Variants in ARHGAP24 observed in about 807,000 individuals in gnomAD.
The protein encoded by ARHGAP24 is Rho GTPase activating protein 24, also known as rho GTPase-activating protein 24.
Under a neutral mutation model 76.4 loss-of-function variants are expected in ARHGAP24, and 50 were observed. That is an observed-to-expected ratio of 0.65 (90% CI 0.52 to 0.83). The LOEUF (loss-of-function observed/expected upper bound fraction) is 0.83, where lower values mean the gene tolerates loss of function less well. ARHGAP24 is among the 40% of genes least tolerant of loss of function. The pLI is 0.00. For synonymous variants in ARHGAP24, 345 were observed against 323.3 expected, an observed-to-expected ratio of 1.07 and a Z score of -0.72; for missense variants, 930 against 914.2, an observed-to-expected ratio of 1.02 and a Z score of -0.22.
rs774915015 is a variant in ARHGAP24 at position 85,903,758 on chromosome 4, T to A, written c.269-19890T>A. The stretch of plus-strand genomic sequence containing the variant: ...CAATTGTTTAAAATCTTCCCTCAGA[T>A]AATTTTTATGTGCACTGCAGACATT... On this transcript the variant is annotated intron_variant, in intron 3 of 9. Coordinates refer to ENST00000395184, the MANE Select transcript of ARHGAP24 (RefSeq NM_001025616.3). Among the ~76,000 whole-genome samples the A allele has an allele frequency of 4.6e-5, 7 of 152,274 alleles. No homozygotes were observed. The East Asian group carries it at 1.3e-3, about 29-fold the overall frequency.
rs1209468670 is a variant in ARHGAP24 at position 85,874,892 on chromosome 4, A to AT, written c.269-48752dup. ...TTTTATATAATTTATATATAAATAT[A>AT]TTTTATATAATTTATATATAAATAT... On this transcript the variant is annotated intron_variant, in intron 3 of 9. Coordinates refer to ENST00000395184, the MANE Select transcript of ARHGAP24 (RefSeq NM_001025616.3). Among the ~76,000 whole-genome samples, 79 of 47,668 alleles carry AT rather than the reference A, an allele frequency of 1.7e-3. 3 individuals carry two copies. Among genetic ancestry groups the AT allele is most frequent in the African/African-American group, 2.9e-3 (44 of 15,364 alleles). The allele number at this position is 47,668 out of a possible 152,430, so 31.3% of individuals were successfully genotyped here. A position where few individuals can be genotyped will look rare whatever the true frequency, so the allele number is the denominator to read the frequency against.
chr4:85,639,662 A>T (rs1175044714), intron 2 of ARHGAP24, among the ~76,000 whole-genome samples: 1 of 151,624 alleles, frequency 6.6e-6, no homozygotes, highest in African/African-American at 2.4e-5. Context: ...AAAACAAGTC[A>T]TATTAAATAT....
chr4:85,826,027 G>A (rs754338069), intron 3 of ARHGAP24, among the ~76,000 whole-genome samples: 2 of 152,128 alleles, frequency 1.3e-5, no homozygotes, highest in Non-Finnish European at 2.9e-5. Flanking sequence ...GGATTATTAT[G>A]AGAGCTAACT....
At chr4:85,812,455 A>G (rs751288544) in intron 3 of ARHGAP24, among the ~76,000 whole-genome samples, 7 of 152,146 alleles carry the variant, frequency 4.6e-5, no homozygotes, top group Non-Finnish European at 8.8e-5. Flanking sequence ...AAACTAATTC[A>G]CACTACATTC....
At chr4:85,838,090 G>C (rs1277564816) in intron 3 of ARHGAP24, among the ~76,000 whole-genome samples, 3 of 152,240 alleles carry the variant, frequency 2.0e-5, no homozygotes, top group Non-Finnish European at 2.9e-5. Flanking sequence ...ACTCTCCTAA[G>C]CATCTACATT....
At chr4:85,953,203 T>C (rs1243903449) in intron 5 of ARHGAP24, among the ~76,000 whole-genome samples, 3 of 152,172 alleles carry the variant, frequency 2.0e-5, no homozygotes, top group Admixed American at 6.5e-5. Flanking sequence ...CCAAGAATCC[T>C]GTAAAACAAC....
At chr4:85,643,613 C>T (rs1441679980) in intron 2 of ARHGAP24, among the ~76,000 whole-genome samples, 1 of 152,030 alleles carries the variant, frequency 6.6e-6, no homozygotes, top group Non-Finnish European at 1.5e-5. Flanking sequence ...ATAAAATTCA[C>T]TTTTATTATG....
intron 2 of ARHGAP24, among the ~76,000 whole-genome samples, chr4:85,584,211 G>T (rs1395592190): frequency 1.3e-5 from 2 of 152,114 alleles, no homozygotes; most frequent in African/African-American, 4.8e-5. Context: ...AACAATGATA[G>T]ACTGGATTAA....
chr4:85,480,758 C>T (rs975230845), intron 1 of ARHGAP24, among the ~76,000 whole-genome samples: 1 of 152,052 alleles, frequency 6.6e-6, no homozygotes, highest in Non-Finnish European at 1.5e-5. Flanking sequence ...AAAAAAATCA[C>T]ATTTTAGTAA....
intron 1 of ARHGAP24, among the ~76,000 whole-genome samples, chr4:85,504,425 T>C (rs1453186693): frequency 6.6e-6 from 1 of 152,234 alleles, no homozygotes; most frequent in Non-Finnish European, 1.5e-5. Context: ...CATATATATT[T>C]AGGATAGTTA....
At chr4:85,478,695 A>G (rs1201863972) in intron 1 of ARHGAP24, among the ~76,000 whole-genome samples, 1 of 152,050 alleles carries the variant, frequency 6.6e-6, no homozygotes, top group African/African-American at 2.4e-5. Flanking sequence ...TTTGTGTACA[A>G]GGTCTCCTCA....
chr4:85,646,331 G>T (rs982333238), intron 2 of ARHGAP24, among the ~76,000 whole-genome samples: 1 of 151,752 alleles, frequency 6.6e-6, no homozygotes, highest in Non-Finnish European at 1.5e-5. Context: ...TCATTATAAA[G>T]GAATTACAGG....
chr4:85,877,405 G>C (rs1043219847), intron 3 of ARHGAP24, among the ~76,000 whole-genome samples: 1 of 152,156 alleles, frequency 6.6e-6, no homozygotes, highest in Non-Finnish European at 1.5e-5. Flanking sequence ...CAAGTGGATT[G>C]CTTGGGCCCA....
At chr4:85,994,337 G>T (rs574852191) in intron 8 of ARHGAP24, among the ~76,000 whole-genome samples, 1 of 152,232 alleles carries the variant, frequency 6.6e-6, no homozygotes, top group South Asian at 2.1e-4. Context: ...ATAACAGTAT[G>T]TATGTATAGA....
intron 2 of ARHGAP24, among the ~76,000 whole-genome samples, chr4:85,671,792 T>A (rs1393472100): frequency 6.6e-6 from 1 of 152,202 alleles, no homozygotes; most frequent in Non-Finnish European, 1.5e-5. Context: ...AATGGATACC[T>A]CTTAATAATG....
chr4:85,868,531 C>T (rs1732338591), intron 3 of ARHGAP24, among the ~76,000 whole-genome samples: 1 of 151,990 alleles, frequency 6.6e-6, no homozygotes, highest in Non-Finnish European at 1.5e-5. Flanking sequence ...AAAGTATTGG[C>T]CTATACTCTG....
intron 3 of ARHGAP24, among the ~76,000 whole-genome samples, chr4:85,850,105 A>G (rs1007585319): frequency 2.6e-5 from 4 of 152,028 alleles, no homozygotes; most frequent in Non-Finnish European, 5.9e-5. Context: ...GTAGGCTATT[A>G]ATTATTGCCT....
chr4:85,535,685 A>T (rs1725441492), intron 1 of ARHGAP24, among the ~76,000 whole-genome samples: 1 of 152,166 alleles, frequency 6.6e-6, no homozygotes, highest in African/African-American at 2.4e-5. Flanking sequence ...TAACAAAGAG[A>T]CTACGGTGGA....
rs553849702 is a variant in ARHGAP24, at chr4:85,679,809, T to C, written c.181-42076T>C. On this transcript the variant is annotated intron_variant, in intron 2 of 9. Coordinates refer to ENST00000395184, the MANE Select transcript of ARHGAP24 (RefSeq NM_001025616.3). ...AGACATTTTCCTCTGAGAGTCTCAA[T>C]AGTGTCTGTCTCTTGCTTCTCTCCT... Among the ~76,000 whole-genome samples the C allele has an allele frequency of 5.3e-5, 8 of 152,300 alleles. No homozygotes were observed. In the East Asian group the frequency reaches 1.5e-3, roughly 29 times the overall value.
Sources: allele counts gnomAD v4.1 joint callset (sites outside exome capture counted in the v4.1 genomes callset), GRCh38; gene constraint gnomAD v4.1.1; transcripts MANE v1.5; gene names NCBI Gene and HGNC (gene_info 2026-07-23, HGNC 2026-07-21).